The following ZBTB44 variants were observed in gnomAD, a reference collection of about 807,000 sequenced individuals.
The protein encoded by ZBTB44 is zinc finger and BTB domain-containing protein 44.
ZBTB44 carries 15 observed loss-of-function variants against 54.0 expected under a neutral mutation model. The ratio of observed to expected loss-of-function variants is 0.28; its 90% CI spans 0.19 to 0.43. The LOEUF (loss-of-function observed/expected upper bound fraction) is 0.43. Ranked by LOEUF, ZBTB44 falls within the 20% of genes least tolerant of loss-of-function variation. The probability of loss-of-function intolerance (pLI) is 1.00; values close to 1 mark genes in which losing one functional copy is unlikely to be tolerated. For missense variants in ZBTB44, 487 were observed against 707.1 expected (o/e 0.69, Z 3.53); for synonymous variants, 230 against 250.1 (o/e 0.92, Z 0.76).
intron 1 of ZBTB44, chr11:130,296,862 C>T: frequency 2.7e-6 from 2 of 735,500 alleles, no homozygotes; most frequent in South Asian, 2.9e-5. Context: ...CTTAAATTTG[C>T]CTCAAGTTGC....
intron 2 of ZBTB44, among the ~76,000 whole-genome samples, chr11:130,255,665 A>AAGAAG (rs1252593812): frequency 6.6e-6 from 1 of 152,122 alleles, no homozygotes; most frequent in Non-Finnish European, 1.5e-5. Flanking sequence ...CAGATTAATA[A>AAGAAG]AGAAGAGAGA....
At chr11:130,238,372 AT>A in intron 4 of ZBTB44, 71 bp downstream of exon 4, 1 of 1,415,140 alleles carries the variant, frequency 7.1e-7, no homozygotes, top group Non-Finnish European at 9.3e-7. Context: ...CCTGTTTTCT[AT>A]TTTAACTGGG....
chr11:130,271,792 G>A (rs1415708773), intron 1 of ZBTB44, among the ~76,000 whole-genome samples: 1 of 152,184 alleles, frequency 6.6e-6, no homozygotes, highest in African/African-American at 2.4e-5. Flanking sequence ...AATCGTGTAA[G>A]TTTTTGTGTG....
chr11:130,230,296 G>A lies in ZBTB44; in HGVS notation c.*1468C>T, dbSNP rs1953827812. 4 of 152,032 alleles carry A rather than the reference G, an allele frequency of 2.6e-5. No homozygotes were observed. The South Asian group carries it at 8.3e-4, about 31-fold the overall frequency. 9.4% of individuals were successfully genotyped at this position (152,032 alleles called of 1,614,324 possible). On this transcript the variant is annotated 3_prime_UTR_variant, in exon 8 of 8. Coordinates refer to ENST00000357899, the MANE Select transcript of ZBTB44 (RefSeq NM_001301098.2). ...CTCCCAAGAGAACCATTTATAAACTGGGAGAGTCTCCTGAACCAGCCTATT... is the reference window on the plus strand; with the variant it reads ...CTCCCAAGAGAACCATTTATAAACTAGGAGAGTCTCCTGAACCAGCCTATT...
At chr11:130,303,655 C>CA (rs1411230526) in intron 1 of ZBTB44, among the ~76,000 whole-genome samples, 1 of 151,646 alleles carries the variant, frequency 6.6e-6, no homozygotes, top group African/African-American at 2.4e-5. Context: ...AAAACCAAAA[C>CA]AAAAAAACCC....
At chr11:130,238,657 A>C (rs1954217728) in intron 3 of ZBTB44, 50 bp from the exon 4 acceptor site, 1 of 1,554,174 alleles carries the variant, frequency 6.4e-7, no homozygotes, top group African/African-American at 1.4e-5. Context: ...TTTTAAACTG[A>C]ATAAACACTG....
At chr11:130,308,819 C>A (rs1443472046) in intron 1 of ZBTB44, among the ~76,000 whole-genome samples, 1 of 152,166 alleles carries the variant, frequency 6.6e-6, no homozygotes, top group East Asian at 1.9e-4. Flanking sequence ...TCTCCATCTT[C>A]CCACTCCACT....
At chr11:130,234,764 G>C (rs1318217500) in intron 5 of ZBTB44, among the ~76,000 whole-genome samples, 1 of 152,100 alleles carries the variant, frequency 6.6e-6, no homozygotes, top group Non-Finnish European at 1.5e-5. Flanking sequence ...CTATAAAGTT[G>C]GGAAATGTAG....
chr11:130,287,052 T>C (rs1013076658), intron 1 of ZBTB44, among the ~76,000 whole-genome samples: 1 of 152,242 alleles, frequency 6.6e-6, no homozygotes, highest in African/African-American at 2.4e-5. Flanking sequence ...TCCATCTGAA[T>C]GTGTTCGCCA....
At chr11:130,271,226 G>C (rs1939644269) in intron 1 of ZBTB44, among the ~76,000 whole-genome samples, 1 of 152,132 alleles carries the variant, frequency 6.6e-6, no homozygotes, top group Non-Finnish European at 1.5e-5. Context: ...TGAGTTTACA[G>C]TCTTGAATTT....
intron 5 of ZBTB44, 128 bp downstream of exon 5, chr11:130,236,665 G>A (rs973961659): frequency 2.8e-5 from 27 of 979,170 alleles, no homozygotes; most frequent in Non-Finnish European, 3.1e-5. Flanking sequence ...TATGAACAGT[G>A]GGAATCCGTA....
chr11:130,268,504 C>A (rs1939424362), intron 1 of ZBTB44, among the ~76,000 whole-genome samples: 1 of 152,094 alleles, frequency 6.6e-6, no homozygotes, highest in African/African-American at 2.4e-5. Context: ...GCTGTAATCC[C>A]AGCTACTCAG....
chr11:130,233,193 A>T, intron 7 of ZBTB44, 115 bp downstream of exon 7: 2 of 1,408,046 alleles, frequency 1.4e-6, no homozygotes, highest in South Asian at 1.3e-5. Flanking sequence ...GGGCAGGGGG[A>T]AAACTGATCC....
chr11:130,236,320 A>G (rs1954108625), intron 5 of ZBTB44: 1 of 1,114,640 alleles, frequency 9.0e-7, no homozygotes, highest in East Asian at 6.0e-5. Context: ...CATCACACCC[A>G]CTATAGTTGC....
intron 5 of ZBTB44, among the ~76,000 whole-genome samples, chr11:130,235,685 A>T (rs756280431): frequency 5.3e-5 from 8 of 152,098 alleles, no homozygotes; most frequent in Non-Finnish European, 7.4e-5. Flanking sequence ...AAAAGGTTTT[A>T]AAAATAAGGG....
At chr11:130,302,846 G>A (rs539828309) in intron 1 of ZBTB44, among the ~76,000 whole-genome samples, 8 of 152,002 alleles carry the variant, frequency 5.3e-5, no homozygotes, top group South Asian at 2.1e-4. Context: ...GTGGTGGTGC[G>A]CACCTGTAAT....
intron 1 of ZBTB44, among the ~76,000 whole-genome samples, chr11:130,307,071 CA>C (rs201177615): frequency 0.035 from 4,760 of 134,336 alleles, 161 homozygotes; most frequent in African/African-American, 0.088. Context: ...AAAGAACAAG[CA>C]AAAAAAAAAA....
Position 130,227,685 on chromosome 11 carries a change from G to C in ZBTB44, c.*4079C>G, listed in dbSNP as rs949025653. On this transcript the variant is annotated 3_prime_UTR_variant, in exon 8 of 8. Coordinates refer to ENST00000357899, the MANE Select transcript of ZBTB44 (RefSeq NM_001301098.2). Reference sequence around the variant, plus strand: ...GTACTCCAGTTTTTAAATGGAGCCAGCTTTATGTTAGCCCTGTAAAATATT... The same window carrying C: ...GTACTCCAGTTTTTAAATGGAGCCACCTTTATGTTAGCCCTGTAAAATATT... 5.9e-5 allele frequency: 9 copies of C among 152,276 alleles called. No homozygotes were observed. Among genetic ancestry groups the C allele is most frequent in the Admixed American group, 5.9e-4 (9 of 15,300 alleles). The allele number at this position is 152,276 out of a possible 1,614,324, so 9.4% of individuals were successfully genotyped here.
At chr11:130,303,801 T>A (rs1015734113) in intron 1 of ZBTB44, among the ~76,000 whole-genome samples, 2 of 151,768 alleles carry the variant, frequency 1.3e-5, no homozygotes, top group Non-Finnish European at 2.9e-5. Context: ...TAAAGCTATA[T>A]AAGGAAAGTA....
Sources: gnomAD v4.1 joint callset for allele counts (sites outside exome capture counted in the v4.1 genomes callset) on GRCh38, gnomAD v4.1.1 for gene constraint, MANE v1.5 for transcripts, NCBI Gene and HGNC (gene_info 2026-07-23, HGNC 2026-07-21) for gene names.